RP1: variants seen among roughly 807,000 people sequenced by gnomAD.
The protein encoded by RP1 is oxygen-regulated protein 1.
In RP1, 16 loss-of-function variants were observed where a neutral mutation model predicts 14.8. The ratio of observed to expected loss-of-function variants is 1.08; its 90% CI spans 0.73 to 1.65. RP1 has a LOEUF of 1.65. Ranked by LOEUF, RP1 falls within the 40% of genes most tolerant of loss-of-function variation. The pLI, the probability that RP1 is intolerant of heterozygous loss-of-function variation, is 0.00. For synonymous variants in RP1, 876 were observed against 883.6 expected (o/e 0.99, Z 0.15); for missense variants, 2,631 against 2,535.0 (o/e 1.04, Z -0.81).
At chr8:54,593,829 C>G (rs1359595123) in intron 1 of RP1, among the ~76,000 whole-genome samples, 1 of 152,192 alleles carries the variant, frequency 6.6e-6, no homozygotes, top group African/African-American at 2.4e-5. Context: ...TCAGTCTAAT[C>G]CGTGGGGTGC....
chr8:54,782,498 A>G (rs1810213367), intron 23 of RP1, among the ~76,000 whole-genome samples: 1 of 152,128 alleles, frequency 6.6e-6, no homozygotes, highest in African/African-American at 2.4e-5. Context: ...GTATTTTGGA[A>G]ATATAAAAAA....
At position 54,857,021 on chromosome 8, in the gene RP1, T is replaced by C. The variant is rs946221413; in HGVS notation, c.3991-7T>C. ...ATGGTCACTGAGTTTATTTCTTTATTGTACAGGTTGATATTTTTTCCATTA... is the reference window on the plus strand; with the variant it reads ...ATGGTCACTGAGTTTATTTCTTTATCGTACAGGTTGATATTTTTTCCATTA... On this transcript the variant is annotated splice_polypyrimidine_tract_variant and splice_region_variant and intron_variant, in intron 26 of 28. Transcript: ENST00000637698. The C allele has an allele frequency of 4.7e-5, 51 of 1,074,124 alleles. No homozygotes were observed. In the Admixed American group the frequency reaches 6.0e-4, roughly 13 times the overall value. 66.5% of individuals were successfully genotyped at this position (1,074,124 alleles called of 1,614,324 possible).
At chr8:54,696,640 G>T (rs558358999) in intron 12 of RP1, 2 of 829,682 alleles carry the variant, frequency 2.4e-6, no homozygotes, top group East Asian at 2.5e-5. Context: ...CCTTAGAATT[G>T]CCAGATAAAC....
chr8:54,613,639 G>A (rs922252431), upstream of RP1, among the ~76,000 whole-genome samples: 2 of 152,138 alleles, frequency 1.3e-5, no homozygotes, highest in African/African-American at 2.4e-5. Flanking sequence ...TTCATTCAGC[G>A]TGTTGATGTA....
chr8:54,755,876 T>C, intron 21 of RP1: 1 of 1,090,120 alleles, frequency 9.2e-7, no homozygotes, highest in Non-Finnish European at 1.2e-6. Flanking sequence ...ATTGTAGTTT[T>C]AAGACATCTT....
intron 1 of RP1, among the ~76,000 whole-genome samples, chr8:54,604,342 A>T (rs1486392966): frequency 6.6e-6 from 1 of 152,140 alleles, no homozygotes; most frequent in Non-Finnish European, 1.5e-5. Context: ...GATTACGTTT[A>T]TTGATTTGTG....
At chr8:54,757,736 A>G (rs1809543907) in intron 21 of RP1, among the ~76,000 whole-genome samples, 1 of 152,232 alleles carries the variant, frequency 6.6e-6, no homozygotes. Context: ...AGTCCTAGAA[A>G]TGGATCCAGA....
At chr8:54,700,290 C>T (rs924147751) in intron 13 of RP1, among the ~76,000 whole-genome samples, 1 of 151,862 alleles carries the variant, frequency 6.6e-6, no homozygotes, top group Non-Finnish European at 1.5e-5. Context: ...CTCACTGCAG[C>T]CTCGAATTCC....
Position 54,585,998 on chromosome 8 carries a change from G to A in RP1, c.-13+26678G>A, listed in dbSNP as rs576707432. On this transcript the variant is annotated intron_variant, in intron 1 of 22. Coordinates refer to the RP1 transcript ENST00000636932. ...GTCTGAAGCCTTCTTCTCTCAACTCGTCAAAGTCATTCTCCGTCCAGCTTT... is the reference window on the plus strand; with the variant it reads ...GTCTGAAGCCTTCTTCTCTCAACTCATCAAAGTCATTCTCCGTCCAGCTTT... Among the ~76,000 whole-genome samples, 104 of 151,358 alleles carry A rather than the reference G, an allele frequency of 6.9e-4. 1 individual carries two copies. The Middle Eastern group carries it at 0.01, about 15-fold the overall frequency.
chr8:54,647,271 T>C (rs1010193100), intron 3 of RP1, among the ~76,000 whole-genome samples: 1 of 151,904 alleles, frequency 6.6e-6, no homozygotes, highest in Non-Finnish European at 1.5e-5. Context: ...AAAAATTACC[T>C]GGGTGTGGTG....
intron 1 of RP1, among the ~76,000 whole-genome samples, chr8:54,578,378 T>C (rs1804708243): frequency 6.6e-6 from 1 of 152,056 alleles, no homozygotes; most frequent in Non-Finnish European, 1.5e-5. Context: ...TTAATTTTTA[T>C]TTTATTTTTT....
intron 18 of RP1, among the ~76,000 whole-genome samples, chr8:54,738,677 T>C (rs1203143722): frequency 6.6e-6 from 1 of 152,090 alleles, no homozygotes; most frequent in Non-Finnish European, 1.5e-5. Context: ...GAACTGAGCA[T>C]ATGTGTGTTC....
chr8:54,748,937 C>A (rs747809728), intron 19 of RP1, among the ~76,000 whole-genome samples: 5 of 151,908 alleles, frequency 3.3e-5, no homozygotes, highest in Non-Finnish European at 7.4e-5. Flanking sequence ...CTAATATATT[C>A]TTTGTGTTCT....
intron 15 of RP1, among the ~76,000 whole-genome samples, chr8:54,716,743 G>A (rs148816505): frequency 8.9e-4 from 136 of 152,210 alleles, no homozygotes; most frequent in African/African-American, 3.0e-3. Context: ...TGTGAGCTGC[G>A]GAGAAGCTAG....
chr8:54,674,527 G>GAAAAA (rs377598146), intron 8 of RP1, among the ~76,000 whole-genome samples: 1 of 136,920 alleles, frequency 7.3e-6, no homozygotes, highest in Non-Finnish European at 1.5e-5. Flanking sequence ...AAAAAAAAAG[G>GAAAAA]AAAAAAAAAC....
chr8:54,700,971 G>A (rs1389938435), intron 13 of RP1, among the ~76,000 whole-genome samples: 3 of 152,158 alleles, frequency 2.0e-5, no homozygotes, highest in Admixed American at 6.5e-5. Flanking sequence ...AGGCACCAAC[G>A]ACTTTTCCTC....
chr8:54,850,509 C>T (rs561392499), intron 25 of RP1, among the ~76,000 whole-genome samples: 3 of 152,246 alleles, frequency 2.0e-5, no homozygotes, highest in Admixed American at 6.5e-5. Flanking sequence ...GCATATGGCC[C>T]TGCTTTTAAA....
At chr8:54,810,867 T>A (rs1419882211) in intron 24 of RP1, among the ~76,000 whole-genome samples, 2 of 152,186 alleles carry the variant, frequency 1.3e-5, no homozygotes, top group Non-Finnish European at 2.9e-5. Context: ...CAGAACCTGT[T>A]AGCAGGCCAA....
At chr8:54,797,126 G>A (rs1810596065) in intron 24 of RP1, among the ~76,000 whole-genome samples, 1 of 152,100 alleles carries the variant, frequency 6.6e-6, no homozygotes, top group Admixed American at 6.6e-5. Flanking sequence ...ATGAGAAGAA[G>A]GTGGCACTGG....
Sources: allele counts gnomAD v4.1 joint callset (sites outside exome capture counted in the v4.1 genomes callset), GRCh38; gene constraint gnomAD v4.1.1; transcripts MANE v1.5; gene names NCBI Gene and HGNC (gene_info 2026-07-23, HGNC 2026-07-21).